The following SH3TC2 variants were observed in gnomAD, a reference collection of about 807,000 sequenced individuals.
The protein encoded by SH3TC2 is SH3 domain and tetratricopeptide repeat-containing protein 2.
Under a neutral mutation model 124.5 loss-of-function variants are expected in SH3TC2, and 87 were observed. The ratio of observed to expected loss-of-function variants is 0.70; its 90% CI spans 0.59 to 0.84. The LOEUF (loss-of-function observed/expected upper bound fraction) is 0.84. Among genes scored for constraint, SH3TC2 ranks in the 40% least tolerant of loss-of-function variants. The probability of loss-of-function intolerance (pLI) is 0.00; values close to 1 mark genes in which losing one functional copy is unlikely to be tolerated. For synonymous variants in SH3TC2, 634 were observed against 628.5 expected (o/e 1.01, Z -0.13); for missense variants, 1,536 against 1,566.4 (o/e 0.98, Z 0.33).
rs1753330686 is a variant in SH3TC2 at position 148,986,259 on chromosome 5, TA to T, written c.*18451del. Among the ~76,000 whole-genome samples the T allele has an allele frequency of 1.3e-5, 2 of 152,204 alleles. No individual in the cohort carries two copies. Among genetic ancestry groups the T allele is most frequent in the Non-Finnish European group, 2.9e-5 (2 of 68,036 alleles). ...AATGTATCTGAAATCAGAAAGCAATTAAATATTGTGCTAATTAAAAAACAGA... is the reference window on the plus strand; with the variant it reads ...AATGTATCTGAAATCAGAAAGCAATTAATATTGTGCTAATTAAAAAACAGA... On this transcript the variant is annotated 3_prime_UTR_variant, in exon 17 of 17. Coordinates refer to ENST00000515425, the MANE Select transcript of SH3TC2 (RefSeq NM_024577.4).
chr5:149,027,172 T>G lies in SH3TC2; in HGVS notation c.2560A>C (p.Arg854=). Residue 854 remains arginine (R), a synonymous_variant, in exon 11 of 17, where the codon AGG becomes CGG. Transcript: ENST00000515425. ...GCCCGAAGATAGCTCTTGGCTGCCCTGTTCACCCGGCCTTCACCTTGGAGT... is the reference window on the plus strand; with the variant it reads ...GCCCGAAGATAGCTCTTGGCTGCCCGGTTCACCCGGCCTTCACCTTGGAGT... ...LALQGEGRVN[R]AAKSYLRALN... 1 of 1,614,212 alleles carries G rather than the reference T, an allele frequency of 6.2e-7. No individual in the cohort carries two copies. Among genetic ancestry groups the G allele is most frequent in the Non-Finnish European group, 8.5e-7 (1 of 1,180,046 alleles).
Position 148,999,234 on chromosome 5 carries a change from A to G in SH3TC2, c.*5477T>C, listed in dbSNP as rs1478618560. Among the ~76,000 whole-genome samples the G allele has an allele frequency of 1.3e-5, 2 of 152,238 alleles. No homozygotes were observed. Among genetic ancestry groups the G allele is most frequent in the Non-Finnish European group, 2.9e-5 (2 of 68,042 alleles). On this transcript the variant is annotated 3_prime_UTR_variant, in exon 17 of 17. Transcript: ENST00000515425. ...TGGCCACACCTCCAGGTTTGGCTGCACTTCTCAATGTCAAGGCTTACATGC... is the reference window on the plus strand; with the variant it reads ...TGGCCACACCTCCAGGTTTGGCTGCGCTTCTCAATGTCAAGGCTTACATGC...
chr5:149,046,680 A>G (rs966384106), intron 3 of SH3TC2: 1 of 152,240 alleles, frequency 6.6e-6, no homozygotes, highest in Non-Finnish European at 1.5e-5. Flanking sequence ...ACTGTAGCCC[A>G]CAAGTATGTC....
intron 12 of SH3TC2, among the ~76,000 whole-genome samples, chr5:149,014,802 C>T (rs1218181021): frequency 6.6e-6 from 1 of 152,220 alleles, no homozygotes; most frequent in Non-Finnish European, 1.5e-5. Context: ...TTTCTCTCCC[C>T]ACTCTGTACC....
At chr5:149,039,704 C>G (rs914930276) in intron 7 of SH3TC2, among the ~76,000 whole-genome samples, 1 of 152,108 alleles carries the variant, frequency 6.6e-6, no homozygotes, top group Non-Finnish European at 1.5e-5. Context: ...GAGGAAGTTG[C>G]AACATAGGGC....
At chr5:149,051,295 C>T (rs1754552075) in intron 2 of SH3TC2, among the ~76,000 whole-genome samples, 1 of 152,298 alleles carries the variant, frequency 6.6e-6, no homozygotes, top group Non-Finnish European at 1.5e-5. Flanking sequence ...CGTACAGATG[C>T]CCTTCTGCTC....
In SH3TC2 at chr5:149,020,575, G is replaced by A. The variant is rs183550009; in HGVS notation, c.3053+5997C>T. Among the ~76,000 whole-genome samples, 299 of 152,268 alleles carry A rather than the reference G, an allele frequency of 2.0e-3. 3 individuals are homozygous for A. The highest frequency in any genetic ancestry group is 7.1e-3 in the African/African-American group (296 of 41,558). On this transcript the variant is annotated intron_variant, in intron 12 of 16. Transcript: ENST00000515425. ...AAAGAAAATGTTTCTACTACATGCTGCCTACAAGAGACATACTTTAGATTC... is the reference window on the plus strand; with the variant it reads ...AAAGAAAATGTTTCTACTACATGCTACCTACAAGAGACATACTTTAGATTC...
At position 149,001,287 on chromosome 5, in the gene SH3TC2, G is replaced by C. The variant is rs1343457363; in HGVS notation, c.*3424C>G. 3.3e-5 allele frequency: 5 copies of C among 152,092 alleles called. No individual in the cohort carries two copies. Among genetic ancestry groups the C allele is most frequent in the Non-Finnish European group, 7.4e-5 (5 of 68,008 alleles). The allele number at this position is 152,092 out of a possible 1,614,324, so 9.4% of individuals were successfully genotyped here. A position where few individuals can be genotyped will look rare whatever the true frequency, so the allele number is the denominator to read the frequency against. On this transcript the variant is annotated 3_prime_UTR_variant, in exon 17 of 17. Transcript: ENST00000515425. Reference sequence around the variant, plus strand: ...TGGATTTCAGAATGTTAATACTGTTGGACAGGGAACTAGTATACCTGAAAG... The same window carrying C: ...TGGATTTCAGAATGTTAATACTGTTCGACAGGGAACTAGTATACCTGAAAG...
rs2127387163 is a variant in SH3TC2 at position 148,986,482 on chromosome 5, C to A, written c.*18229G>T. Among the ~76,000 whole-genome samples, 1 of 152,292 alleles carries A rather than the reference C, an allele frequency of 6.6e-6. No individual in the cohort carries two copies. ...TCTCCTTGTCTTACTTTTATCATAG[C>A]ACTCATTTTTCTGCTGTTTCTCTGA... is the stretch of plus-strand genomic sequence containing the variant. On this transcript the variant is annotated 3_prime_UTR_variant, in exon 17 of 17. Coordinates refer to ENST00000515425, the MANE Select transcript of SH3TC2 (RefSeq NM_024577.4).
intron 1 of SH3TC2, among the ~76,000 whole-genome samples, chr5:149,059,818 A>C (rs1331200249): frequency 6.6e-6 from 1 of 152,172 alleles, no homozygotes; most frequent in Non-Finnish European, 1.5e-5. Flanking sequence ...GATTGGAAAG[A>C]GATATCCAGG....
At position 148,994,091 on chromosome 5, in the gene SH3TC2, C is replaced by G. The variant is rs1467351773; in HGVS notation, c.*10620G>C. Among the ~76,000 whole-genome samples, 3 of 152,130 alleles carry G rather than the reference C, an allele frequency of 2.0e-5. No individual in the cohort carries two copies. The highest frequency in any genetic ancestry group is 6.5e-5 in the Admixed American group (1 of 15,278). ...AGCTGTTCAGTCTACTACCATGCAT[C>G]CCAGACAGGATGTTCAGGTGAACAA... is the stretch of plus-strand genomic sequence containing the variant. On this transcript the variant is annotated 3_prime_UTR_variant, in exon 17 of 17. Coordinates refer to ENST00000515425, the MANE Select transcript of SH3TC2 (RefSeq NM_024577.4).
chr5:148,993,102 T>G lies in SH3TC2; in HGVS notation c.*11609A>C, dbSNP rs957499011. ...TGGCTTCCATAGACGCTTAAGGTGA[T>G]TAGGCATTTGTCCCTCACCGTTTCG... On this transcript the variant is annotated 3_prime_UTR_variant, in exon 17 of 17. Transcript: ENST00000515425. Among the ~76,000 whole-genome samples, 1 of 152,188 alleles carries G rather than the reference T, an allele frequency of 6.6e-6. No homozygotes were observed. Among genetic ancestry groups the G allele is most frequent in the African/African-American group, 2.4e-5 (1 of 41,446 alleles).
At position 149,027,661 on chromosome 5, in the gene SH3TC2, C is replaced by A; in HGVS notation, c.2071G>T (p.Ala691Ser). The A allele has an allele frequency of 6.2e-7, 1 of 1,614,244 alleles. No individual in the cohort carries two copies. The highest frequency in any genetic ancestry group is 8.5e-7 in the Non-Finnish European group (1 of 1,180,044). ...DKKYLPHLAV[A>S]SVQQHGIQSA... ...TGGATACCATGTTGCTGGACAGAGG[C>A]CACTGCAAGGTGTGGAAGATATTTC... Residue 691 changes from alanine (A) to serine (S), a missense_variant, in exon 11 of 17, where the codon GCC becomes TCC. Transcript: ENST00000515425.
intron 12 of SH3TC2, among the ~76,000 whole-genome samples, chr5:149,020,106 A>G (rs570031006): frequency 8.1e-6 from 1 of 123,018 alleles, no homozygotes; most frequent in Non-Finnish European, 1.8e-5. Context: ...CAAACAAGAA[A>G]AGGTCAAACA....
At position 149,062,831 on chromosome 5, in the gene SH3TC2, A is replaced by G. The variant is rs913043097; in HGVS notation, c.52+140T>C. On this transcript the variant is annotated intron_variant, in intron 1 of 16. Transcript: ENST00000515425. ...CAGCATGACAAACACTTACCCAGGGAGGAAGGAGAGGCAGCCAGAAAGCAC... is the reference window on the plus strand; with the variant it reads ...CAGCATGACAAACACTTACCCAGGGGGGAAGGAGAGGCAGCCAGAAAGCAC... 28 of 786,834 alleles carry G rather than the reference A, an allele frequency of 3.6e-5. No individual in the cohort carries two copies. The African/African-American group carries it at 4.5e-4, about 13-fold the overall frequency. 48.7% of individuals were successfully genotyped at this position (786,834 alleles called of 1,614,324 possible).
intron 1 of SH3TC2, among the ~76,000 whole-genome samples, chr5:149,061,603 G>T (rs1238795431): frequency 6.6e-6 from 1 of 152,130 alleles, no homozygotes; most frequent in Non-Finnish European, 1.5e-5. Context: ...GAAACACAGA[G>T]AAGTTAAATA....
At position 148,993,972 on chromosome 5, in the gene SH3TC2, A is replaced by G. The variant is rs370389063; in HGVS notation, c.*10739T>C. ...TTGATCCACACAACAATCCCATGAGATAAGTACTATTATCATCTCCATTTG... is the reference window on the plus strand; with the variant it reads ...TTGATCCACACAACAATCCCATGAGGTAAGTACTATTATCATCTCCATTTG... On this transcript the variant is annotated 3_prime_UTR_variant, in exon 17 of 17. Coordinates refer to ENST00000515425, the MANE Select transcript of SH3TC2 (RefSeq NM_024577.4). Among the ~76,000 whole-genome samples, 8 of 152,344 alleles carry G rather than the reference A, an allele frequency of 5.3e-5. No homozygotes were observed. The highest frequency in any genetic ancestry group is 2.1e-4 in the South Asian group (1 of 4,822).
In SH3TC2 at chr5:148,985,460, T is replaced by C. The variant is rs1393351020; in HGVS notation, c.*19251A>G. Among the ~76,000 whole-genome samples, 1 of 152,210 alleles carries C rather than the reference T, an allele frequency of 6.6e-6. No individual in the cohort carries two copies. On this transcript the variant is annotated 3_prime_UTR_variant, in exon 17 of 17. Transcript: ENST00000515425. Reference sequence around the variant, plus strand: ...AAAATGCCATATGGATTATATACAGTATGTAGCATTTTAAGTCTGACTTCC... The same window carrying C: ...AAAATGCCATATGGATTATATACAGCATGTAGCATTTTAAGTCTGACTTCC...
chr5:149,053,673 A>G (rs1351610985), intron 1 of SH3TC2, among the ~76,000 whole-genome samples: 5 of 152,198 alleles, frequency 3.3e-5, no homozygotes, highest in Admixed American at 3.3e-4. Flanking sequence ...CATGAGTTCA[A>G]TGACCTTGGG....
Sources: gnomAD v4.1 joint callset for allele counts (sites outside exome capture counted in the v4.1 genomes callset) on GRCh38, gnomAD v4.1.1 for gene constraint, MANE v1.5 for transcripts, NCBI Gene and HGNC (gene_info 2026-07-23, HGNC 2026-07-21) for gene names.